Variants in CACNA1B observed in about 807,000 individuals in gnomAD.
The protein encoded by CACNA1B is voltage-dependent N-type calcium channel subunit alpha-1B.
In CACNA1B, 70 loss-of-function variants were observed where a neutral mutation model predicts 247.2. The ratio of observed to expected loss-of-function variants is 0.28; its 90% CI spans 0.23 to 0.35. The LOEUF is 0.35. CACNA1B is among the 10% of genes least tolerant of loss of function. The pLI, the probability that CACNA1B is intolerant of heterozygous loss-of-function variation, is 1.00. For missense variants in CACNA1B, 2,367 were observed against 3,197.4 expected, an observed-to-expected ratio of 0.74 and a Z score of 6.26; for synonymous variants, 1,231 against 1,294.4, an observed-to-expected ratio of 0.95 and a Z score of 1.05.
Position 138,057,232 on chromosome 9 carries a change from C to T in CACNA1B, c.3969-500C>T, listed in dbSNP as rs1283892849. Among the ~76,000 whole-genome samples, 3 of 152,112 alleles carry T rather than the reference C, an allele frequency of 2.0e-5. No individual in the cohort carries two copies. The highest frequency in any genetic ancestry group is 2.1e-4 in the South Asian group (1 of 4,824). On this transcript the variant is annotated intron_variant, in intron 26 of 46. Transcript: ENST00000371372. The surrounding 1 kb of genome is among the most constrained non-coding windows in gnomAD (Gnocchi z 4.0). ...GATTACAGGCGTGAGCCACCGCGCCCGGCCTTTTTTATTTATTAGAATAGT... is the reference window on the plus strand; with the variant it reads ...GATTACAGGCGTGAGCCACCGCGCCTGGCCTTTTTTATTTATTAGAATAGT...
At position 137,955,725 on chromosome 9, in the gene CACNA1B, G is replaced by A. The variant is rs150691753; in HGVS notation, c.1098G>A (p.Val366=). The change falls in exon 8 of 47, where the codon GTG becomes GTA. Residue 366 remains valine (V), a synonymous_variant. Transcript: ENST00000371372. This position sits in a 1 kb window ranked among gnomAD's most constrained non-coding sequence, Gnocchi z 6.9. ...AGTTTGCCAAGGAGCGAGAGAGGGT[G>A]GAGAACCGCCGCGCCTTCCTGAAGC... is the stretch of plus-strand genomic sequence containing the variant. ...SGEFAKERER[V]ENRRAFLKLR... 1 of 1,612,738 alleles carries A rather than the reference G, an allele frequency of 6.2e-7. No homozygotes were observed. Among genetic ancestry groups the A allele is most frequent in the African/African-American group, 1.3e-5 (1 of 75,064 alleles).
intron 15 of CACNA1B, among the ~76,000 whole-genome samples, chr9:138,006,163 A>G (rs1314837093): frequency 1.3e-5 from 2 of 152,116 alleles, no homozygotes; most frequent in African/African-American, 2.4e-5. Flanking sequence ...GAGGGGGACC[A>G]TTGCACATGG....
At chr9:137,906,029 C>G (rs1344387568) in intron 3 of CACNA1B, among the ~76,000 whole-genome samples, 13 of 152,206 alleles carry the variant, frequency 8.5e-5, no homozygotes, top group Non-Finnish European at 5.9e-5. Context: ...ATGCTGGAGG[C>G]CTCAGAGGCC....
At chr9:137,915,300 G>A (rs1957397651) in intron 5 of CACNA1B, among the ~76,000 whole-genome samples, 1 of 152,224 alleles carries the variant, frequency 6.6e-6, no homozygotes, top group South Asian at 2.1e-4. Context: ...GTGAGGTGTG[G>A]CATCTTCTGA....
chr9:137,993,269 A>C (rs756533074), intron 15 of CACNA1B, among the ~76,000 whole-genome samples: 69 of 152,228 alleles, frequency 4.5e-4, no homozygotes, highest in Non-Finnish European at 9.4e-4. Context: ...GATAAATAAA[A>C]AGATAAATTT....
chr9:138,094,459 AGAAG>A (rs1374543370), intron 36 of CACNA1B, among the ~76,000 whole-genome samples: 1 of 144,700 alleles, frequency 6.9e-6, no homozygotes, highest in Non-Finnish European at 1.5e-5. Flanking sequence ...AAAAAAAAAA[AGAAG>A]AAGAAGAAGA....
intron 38 of CACNA1B, among the ~76,000 whole-genome samples, chr9:138,104,062 C>T (rs1270773488): frequency 2.0e-5 from 3 of 152,356 alleles, no homozygotes; most frequent in African/African-American, 7.2e-5. Flanking sequence ...TTTGGAGCCC[C>T]ACCCAGCTGT....
In CACNA1B at chr9:137,950,417, C is replaced by T. The variant is rs1241872608; in HGVS notation, c.967-1857C>T. ...TGTCCCGTGTGGTCTTCACTAGTAC[C>T]GCGGAGGTGGGCTTGGGCTGGGGGG... On this transcript the variant is annotated intron_variant, in intron 6 of 46. Coordinates refer to ENST00000371372, the MANE Select transcript of CACNA1B (RefSeq NM_000718.4). This position sits in a 1 kb window ranked among gnomAD's most constrained non-coding sequence, Gnocchi z 4.8. 2.0e-5 allele frequency among the ~76,000 whole-genome samples: 3 copies of T among 152,184 alleles called. No homozygotes were observed. The highest frequency in any genetic ancestry group is 2.1e-4 in the South Asian group (1 of 4,828).
intron 10 of CACNA1B, among the ~76,000 whole-genome samples, chr9:137,969,896 G>A (rs150992838): frequency 9.1e-4 from 138 of 152,286 alleles, no homozygotes; most frequent in African/African-American, 3.1e-3. Flanking sequence ...CTGCCTCTGT[G>A]GGGAGTGGTC....
At chr9:138,119,400 C>G (rs1961995766) in intron 44 of CACNA1B, among the ~76,000 whole-genome samples, 1 of 152,082 alleles carries the variant, frequency 6.6e-6, no homozygotes, top group South Asian at 2.1e-4. Context: ...CCTCCGAGGC[C>G]TCGGAGGAGC....
At position 137,957,611 on chromosome 9, in the gene CACNA1B, G is replaced by A. The variant is rs200466269; in HGVS notation, c.1257G>A (p.Ala419=). Reference sequence around the variant, plus strand: ...TGTTTAAAGCAGTGCTGAAGAGAGCGGCCACCAAGAAGAGCAGAAATGACC... The same window carrying A: ...TGTTTAAAGCAGTGCTGAAGAGAGCAGCCACCAAGAAGAGCAGAAATGACC... ...EKSPLDVLKR[A]ATKKSRNDLI... The change falls in exon 10 of 47, where the codon GCG becomes GCA. Residue 419 remains alanine, a synonymous_variant. Coordinates refer to ENST00000371372, the MANE Select transcript of CACNA1B (RefSeq NM_000718.4). This position sits in a 1 kb window ranked among gnomAD's most constrained non-coding sequence, Gnocchi z 4.7. 2.3e-5 allele frequency: 37 copies of A among 1,596,440 alleles called. No homozygotes were observed. Among genetic ancestry groups the A allele is most frequent in the Non-Finnish European group, 2.9e-5 (34 of 1,171,904 alleles).
At position 137,957,262 on chromosome 9, in the gene CACNA1B, C is replaced by T. The variant is rs754330738; in HGVS notation, c.1244-336C>T. On this transcript the variant is annotated intron_variant, in intron 9 of 46. Coordinates refer to ENST00000371372, the MANE Select transcript of CACNA1B (RefSeq NM_000718.4). This position sits in a 1 kb window ranked among gnomAD's most constrained non-coding sequence, Gnocchi z 4.7. ...GCAATCTCAGCCGGCCCCATGCCTGCGGCTCTGAGCAGGTCTATGCTGTCC... is the reference window on the plus strand; with the variant it reads ...GCAATCTCAGCCGGCCCCATGCCTGTGGCTCTGAGCAGGTCTATGCTGTCC... Among the ~76,000 whole-genome samples, 1 of 152,260 alleles carries T rather than the reference C, an allele frequency of 6.6e-6. No homozygotes were observed. Among genetic ancestry groups the T allele is most frequent in the Non-Finnish European group, 1.5e-5 (1 of 68,046 alleles).
At chr9:137,997,730 G>C (rs1360907422) in intron 15 of CACNA1B, among the ~76,000 whole-genome samples, 2 of 152,218 alleles carry the variant, frequency 1.3e-5, no homozygotes, top group African/African-American at 4.8e-5. Context: ...TGGGTTGGTA[G>C]AACCACTCTG....
intron 15 of CACNA1B, among the ~76,000 whole-genome samples, chr9:138,001,186 A>G (rs1190562589): frequency 1.3e-5 from 2 of 152,140 alleles, no homozygotes; most frequent in African/African-American, 2.4e-5. Context: ...TTAAAAGAGA[A>G]CATGTGTCAT....
intron 18 of CACNA1B, among the ~76,000 whole-genome samples, chr9:138,022,536 C>CCG (rs1958857605): frequency 6.6e-6 from 1 of 152,122 alleles, no homozygotes; most frequent in African/African-American, 2.4e-5. Flanking sequence ...GCCGCGTGTC[C>CCG]CGCCCTTCCT....
intron 36 of CACNA1B, among the ~76,000 whole-genome samples, chr9:138,079,660 T>C (rs1471469665): frequency 1.3e-5 from 2 of 150,430 alleles, no homozygotes; most frequent in East Asian, 3.9e-4. Context: ...AGAGAATCGC[T>C]TGAACCTGGG....
In CACNA1B at chr9:138,073,370, CTTT is replaced by C. The variant is rs1469648527; in HGVS notation, c.4675-115_4675-113del. On this transcript the variant is annotated intron_variant, in intron 32 of 46. Transcript: ENST00000371372. This position sits in a 1 kb window ranked among gnomAD's most constrained non-coding sequence, Gnocchi z 6.4. Reference sequence around the variant, plus strand: ...TGAAGCAGAGACCTTTGATTTTAATCTTTTTAACCACTTTTCTTTGGGGCCACA... The same window carrying C: ...TGAAGCAGAGACCTTTGATTTTAATCTTAACCACTTTTCTTTGGGGCCACA... 1.5e-6 allele frequency: 1 copy of C among 657,134 alleles called. No homozygotes were observed. Among genetic ancestry groups the C allele is most frequent in the Non-Finnish European group, 2.8e-6 (1 of 360,662 alleles). 40.7% of individuals were successfully genotyped at this position (657,134 alleles called of 1,614,324 possible).
rs75118915 is a variant in CACNA1B at position 137,879,065 on chromosome 9, A to G, written c.296A>G (p.Tyr99Cys). Residue 99 changes from tyrosine to cysteine, a missense_variant, in exon 2 of 47, where the codon TAT becomes TGT. Physicochemically the swap from Tyr to Cys is radical, Grantham distance 194. Coordinates refer to ENST00000371372, the MANE Select transcript of CACNA1B (RefSeq NM_000718.4). ...CTTAACTCACGCACTCCATTCGAGT[A>G]TATGATCCTGGCCACCATCATCGCC... ...KRITEWPPFE[Y>C]MILATIIANC... The G allele has an allele frequency of 1.2e-6, 2 of 1,610,612 alleles. No individual in the cohort carries two copies. Among genetic ancestry groups the G allele is most frequent in the Non-Finnish European group, 1.7e-6 (2 of 1,177,752 alleles).
At chr9:138,081,580 T>C (rs1228644996) in intron 36 of CACNA1B, among the ~76,000 whole-genome samples, 3 of 145,874 alleles carry the variant, frequency 2.1e-5, no homozygotes, top group African/African-American at 8.0e-5. Context: ...GATGGAAGAA[T>C]AGGGAATGAG....
Sources: gnomAD v4.1 joint callset for allele counts (sites outside exome capture counted in the v4.1 genomes callset) on GRCh38, gnomAD v4.1.1 for gene constraint, Gnocchi (gnomAD v3.1) non-coding constraint, MANE v1.5 for transcripts, NCBI Gene and HGNC (gene_info 2026-07-23, HGNC 2026-07-21) for gene names.